Variants in PAK2 observed in about 807,000 individuals in gnomAD.
PAK2 encodes p21 (RAC1) activated kinase 2, also known as serine/threonine-protein kinase PAK 2.
In PAK2, 21 loss-of-function variants were observed where a neutral mutation model predicts 65.9. That is an observed-to-expected ratio of 0.32 (90% CI 0.23 to 0.46). PAK2 has a LOEUF of 0.46. PAK2 is among the 20% of genes least tolerant of loss of function. PAK2 has a pLI of 1.00. For missense variants in PAK2, 324 were observed against 642.6 expected, an observed-to-expected ratio of 0.50 and a Z score of 5.36; for synonymous variants, 204 against 219.7, an observed-to-expected ratio of 0.93 and a Z score of 0.63.
chr3:196,811,257 CTCCCTTCCT>C (rs1560113705), intron 8 of PAK2, among the ~76,000 whole-genome samples: 1 of 56,422 alleles, frequency 1.8e-5, no homozygotes, highest in Non-Finnish European at 3.7e-5. Context: ...CCTCCCCTCC[CTCCCTTCCT>C]TCCCTTCCCT....
intron 10 of PAK2, 53 bp downstream of exon 10, chr3:196,812,904 T>C (rs1715874671): frequency 1.2e-6 from 1 of 827,600 alleles, no homozygotes; most frequent in Non-Finnish European, 2.0e-6. Flanking sequence ...ATTTTAAGTC[T>C]CATGGTTTCG....
intron 1 of PAK2, among the ~76,000 whole-genome samples, chr3:196,757,091 G>C (rs1051642278): frequency 2.0e-5 from 3 of 152,136 alleles, no homozygotes; most frequent in African/African-American, 7.2e-5. Flanking sequence ...ATTCCGATTG[G>C]CTATTTTAAA....
chr3:196,747,093 TTTAC>T (rs1713407954), intron 1 of PAK2: 1 of 152,198 alleles, frequency 6.6e-6, no homozygotes, highest in East Asian at 1.9e-4. Context: ...AGCTTTGAGA[TTTAC>T]TTATTGTATT....
intron 1 of PAK2, among the ~76,000 whole-genome samples, chr3:196,740,632 TTGAC>T (rs1178923793): frequency 5.9e-5 from 9 of 152,188 alleles, no homozygotes; most frequent in Admixed American, 2.0e-4. Context: ...CGCGAGTAGC[TTGAC>T]TGTTTTCTCA....
At chr3:196,812,101 C>T (rs1560114375) in intron 8 of PAK2, 118 bp from the exon 9 acceptor site, 5 of 662,058 alleles carry the variant, frequency 7.6e-6, no homozygotes, top group Admixed American at 2.3e-5. Flanking sequence ...CTTTTAAGCA[C>T]GTTAGGTCAT....
intron 13 of PAK2, among the ~76,000 whole-genome samples, chr3:196,822,915 G>A (rs954770428): frequency 3.9e-5 from 6 of 152,262 alleles, no homozygotes; most frequent in African/African-American, 4.8e-5. Context: ...GCTGGCGTAC[G>A]CTGAGCAAAC....
In PAK2 at chr3:196,811,210, C is replaced by CCCTT. The variant is rs1560113529; in HGVS notation, c.773+560_773+563dup. 7.3e-4 allele frequency among the ~76,000 whole-genome samples: 45 copies of CCCTT among 61,856 alleles called. 17 individuals carry two copies. The highest frequency in any genetic ancestry group is 4.0e-3 in the African/African-American group (44 of 11,038). 40.6% of individuals were successfully genotyped at this position (61,856 alleles called of 152,430 possible). A position where few individuals can be genotyped will look rare whatever the true frequency, so the allele number is the denominator to read the frequency against. On this transcript the variant is annotated intron_variant, in intron 8 of 14. Transcript: ENST00000327134. Reference sequence around the variant, plus strand: ...ATATGAATTCCTTCCTCCCTTCCTTCCCTTCCCTCCCTCCCTTCCCTTCCC... The same window carrying CCCTT: ...ATATGAATTCCTTCCTCCCTTCCTTCCCTTCCTTCCCTCCCTCCCTTCCCTTCCC...
At chr3:196,765,241 G>A (rs111547362) in intron 1 of PAK2, among the ~76,000 whole-genome samples, 25 of 147,514 alleles carry the variant, frequency 1.7e-4, no homozygotes, top group African/African-American at 5.8e-4. Flanking sequence ...TTTGCCTCCC[G>A]AGTTCAAGCG....
Position 196,818,126 on chromosome 3 carries a change from CT to C in PAK2, c.1127del (p.Leu376TrpfsTer62). ...IHRDIKSDNV[L>X]LGMEGSVKLT... ...CAGAGACATCAAAAGTGACAATGTA[CT>C]TTTGGGAATGGAAGGATCTGTTAAG... On this transcript the variant is annotated frameshift_variant, in exon 12 of 15. Coordinates refer to ENST00000327134, the MANE Select transcript of PAK2 (RefSeq NM_002577.4). LOFTEE classifies it high-confidence loss of function. The C allele has an allele frequency of 2.0e-6, 3 of 1,464,086 alleles. No individual in the cohort carries two copies. The highest frequency in any genetic ancestry group is 2.9e-6 in the Non-Finnish European group (3 of 1,044,288). 90.7% of individuals were successfully genotyped at this position (1,464,086 alleles called of 1,614,324 possible). A position where few individuals can be genotyped will look rare whatever the true frequency, so the allele number is the denominator to read the frequency against.
rs34209563 is a variant in PAK2 at position 196,815,386 on chromosome 3, C to T, written c.1053+818C>T. On this transcript the variant is annotated intron_variant, in intron 11 of 14. Transcript: ENST00000327134. ...GCACGCCTGTAATCCCAGCTACTCG[C>T]GAGGCTGAGGCGGGAGAATCGCTTG... is the stretch of plus-strand genomic sequence containing the variant. Among the ~76,000 whole-genome samples, 1,272 of 149,566 alleles carry T rather than the reference C, an allele frequency of 8.5e-3. 12 individuals are homozygous for T. The highest frequency in any genetic ancestry group is 0.018 in the South Asian group (85 of 4,708).
chr3:196,824,722 T>G (rs991972205), intron 13 of PAK2, among the ~76,000 whole-genome samples: 2 of 152,004 alleles, frequency 1.3e-5, no homozygotes, highest in African/African-American at 4.8e-5. Flanking sequence ...GGTGCACACC[T>G]GTAGTCCCTG....
rs1475758115 is a variant in PAK2 at position 196,761,845 on chromosome 3, C to G, written c.-21-20781C>G. ...GCCGGGCGGGGGGCTGACCCCCCCCCACCTCCCTCCCGGACGGGGTGGCTG... is the reference window on the plus strand; with the variant it reads ...GCCGGGCGGGGGGCTGACCCCCCCCGACCTCCCTCCCGGACGGGGTGGCTG... On this transcript the variant is annotated intron_variant, in intron 1 of 14. Transcript: ENST00000327134. Among the ~76,000 whole-genome samples, 7 of 140,334 alleles carry G rather than the reference C, an allele frequency of 5.0e-5. No homozygotes were observed. In the East Asian group the frequency reaches 6.1e-4, roughly 12 times the overall value. The allele number at this position is 140,334 out of a possible 152,430, so 92.1% of individuals were successfully genotyped here. A position where few individuals can be genotyped will look rare whatever the true frequency, so the allele number is the denominator to read the frequency against.
chr3:196,817,931 TAAATAA>T, intron 11 of PAK2, 120 bp from the exon 12 acceptor site: 1 of 457,102 alleles, frequency 2.2e-6, no homozygotes. Context: ...TTTTTCTTTA[TAAATAA>T]AAGTATTGGA....
chr3:196,784,149 A>G (rs190510256), intron 2 of PAK2, among the ~76,000 whole-genome samples: 505 of 151,854 alleles, frequency 3.3e-3, no homozygotes, highest in African/African-American at 0.012. Flanking sequence ...ATTTCATTCC[A>G]GTTGAATCAG....
chr3:196,770,361 T>C (rs1714322363), intron 1 of PAK2, among the ~76,000 whole-genome samples: 1 of 151,854 alleles, frequency 6.6e-6, no homozygotes, highest in African/African-American at 2.4e-5. Flanking sequence ...TATCAGAATT[T>C]CATTCCTGAG....
At chr3:196,786,210 T>A (rs1714883538) in intron 2 of PAK2, among the ~76,000 whole-genome samples, 1 of 151,634 alleles carries the variant, frequency 6.6e-6, no homozygotes, top group African/African-American at 2.4e-5. Context: ...TCACCCAGGC[T>A]GGAGTCTAGT....
At chr3:196,759,498 G>GTTTTGTTTTTTTTT (rs1713882055) in intron 1 of PAK2, among the ~76,000 whole-genome samples, 1 of 108,116 alleles carries the variant, frequency 9.2e-6, no homozygotes, top group African/African-American at 3.6e-5. Flanking sequence ...GGTTTTTTTT[G>GTTTTGTTTTTTTTT]TTTTTTTTTT....
intron 2 of PAK2, among the ~76,000 whole-genome samples, chr3:196,801,132 C>T (rs571069989): frequency 6.6e-5 from 10 of 152,048 alleles, no homozygotes; most frequent in Non-Finnish European, 8.8e-5. Context: ...ATTATGCTTG[C>T]ACAAAAAAGG....
chr3:196,794,868 C>G (rs1203988667), intron 2 of PAK2, among the ~76,000 whole-genome samples: 3 of 152,130 alleles, frequency 2.0e-5, no homozygotes, highest in African/African-American at 7.2e-5. Flanking sequence ...CTGCACTCTG[C>G]TAGAACCCAG....
Sources: allele counts gnomAD v4.1 joint callset (sites outside exome capture counted in the v4.1 genomes callset), GRCh38; gene constraint gnomAD v4.1.1; transcripts MANE v1.5; gene names NCBI Gene and HGNC (gene_info 2026-07-23, HGNC 2026-07-21).